The following GRHL2 variants were observed in gnomAD, a reference collection of about 807,000 sequenced individuals.
GRHL2 encodes the protein grainyhead-like protein 2 homolog.
In GRHL2, 21 loss-of-function variants were observed where a neutral mutation model predicts 83.8. The observed-to-expected ratio is 0.25, with a 90% CI of 0.18 to 0.36. The LOEUF (loss-of-function observed/expected upper bound fraction) is 0.36. Ranked by LOEUF, GRHL2 falls within the 10% of genes least tolerant of loss-of-function variation. The pLI is 1.00. For synonymous variants in GRHL2, 280 were observed against 278.9 expected (o/e 1.00, Z -0.04); for missense variants, 623 against 781.8 (o/e 0.80, Z 2.42).
intron 2 of GRHL2, among the ~76,000 whole-genome samples, chr8:101,547,327 G>T (rs574877687): frequency 6.6e-6 from 1 of 152,136 alleles, no homozygotes; most frequent in South Asian, 2.1e-4. Flanking sequence ...TATAGACTTT[G>T]TATGCCTCTT....
chr8:101,651,600 C>T (rs972650117), intron 14 of GRHL2, among the ~76,000 whole-genome samples: 2 of 152,138 alleles, frequency 1.3e-5, no homozygotes, highest in Admixed American at 6.5e-5. Context: ...TCAATGTCAC[C>T]TTCGATCCCA....
At chr8:101,571,310 C>G (rs1294785808) in intron 5 of GRHL2, among the ~76,000 whole-genome samples, 1 of 151,982 alleles carries the variant, frequency 6.6e-6, no homozygotes, top group Non-Finnish European at 1.5e-5. Flanking sequence ...AAGAACATTC[C>G]AGGTAAAAGA....
intron 7 of GRHL2, among the ~76,000 whole-genome samples, chr8:101,591,789 A>G (rs937444494): frequency 2.6e-5 from 4 of 152,148 alleles, no homozygotes; most frequent in Non-Finnish European, 5.9e-5. Flanking sequence ...GCTTGGCATG[A>G]GCTTGTAAGT....
chr8:101,530,054 ATGT>A (rs1401856200), intron 1 of GRHL2, among the ~76,000 whole-genome samples: 1 of 152,152 alleles, frequency 6.6e-6, no homozygotes, highest in Non-Finnish European at 1.5e-5. Flanking sequence ...AAGCCAACTA[ATGT>A]TGTAGTTAGT....
At chr8:101,624,270 C>T (rs948761148) in intron 9 of GRHL2, among the ~76,000 whole-genome samples, 1 of 151,620 alleles carries the variant, frequency 6.6e-6, no homozygotes, top group Non-Finnish European at 1.5e-5. Context: ...CACAGTAGGA[C>T]AGTACATAGT....
chr8:101,652,613 G>GTGTGTGTGGT (rs569391544), intron 14 of GRHL2, among the ~76,000 whole-genome samples: 1 of 123,780 alleles, frequency 8.1e-6, no homozygotes, highest in Admixed American at 8.2e-5. Context: ...GTGTGTGTGT[G>GTGTGTGTGGT]GTGTGTGTGT....
Position 101,610,121 on chromosome 8 carries a change from T to C in GRHL2, c.1099-9418T>C, listed in dbSNP as rs1005159743. 6.0e-5 allele frequency among the ~76,000 whole-genome samples: 9 copies of C among 150,808 alleles called. 1 individual carries two copies. Among genetic ancestry groups the C allele is most frequent in the African/African-American group, 2.2e-4 (9 of 40,244 alleles). ...CAGAGCAGAGCAGGAGAAACTGTTG[T>C]AGTTTGAAGAGCAGTGAAGGTTTCT... On this transcript the variant is annotated intron_variant, in intron 8 of 15. Coordinates refer to ENST00000646743, the MANE Select transcript of GRHL2 (RefSeq NM_024915.4).
chr8:101,617,716 G>C (rs575938582), intron 8 of GRHL2, among the ~76,000 whole-genome samples: 1 of 152,230 alleles, frequency 6.6e-6, no homozygotes, highest in East Asian at 1.9e-4. Context: ...TGTTGCCCAG[G>C]CTGATCTCAA....
At chr8:101,674,876 C>T in the GRHL2 span, among the ~76,000 whole-genome samples, 5 of 152,200 alleles carry the variant, frequency 3.3e-5, no homozygotes, top group East Asian at 3.9e-4. Context: ...AAGTGGGCTT[C>T]ATCCCTGGGA....
intron 13 of GRHL2, among the ~76,000 whole-genome samples, chr8:101,649,133 C>T (rs541154447): frequency 5.8e-4 from 89 of 152,304 alleles, no homozygotes; most frequent in African/African-American, 2.1e-3. Flanking sequence ...ATGCGATGTA[C>T]CCCTCAGGAG....
At chr8:101,675,783 G>A in the GRHL2 span, among the ~76,000 whole-genome samples, 4 of 152,082 alleles carry the variant, frequency 2.6e-5, no homozygotes, top group African/African-American at 4.8e-5. Context: ...CAAAGCCGGA[G>A]GCATCACGCT....
intron 2 of GRHL2, among the ~76,000 whole-genome samples, chr8:101,552,238 GC>G (rs961948938): frequency 6.6e-6 from 1 of 152,184 alleles, no homozygotes. Flanking sequence ...GCTCAGTATG[GC>G]CCGCCCCGTG....
At chr8:101,562,165 T>C in intron 4 of GRHL2, 1 of 625,612 alleles carries the variant, frequency 1.6e-6, no homozygotes. Flanking sequence ...GATCTGTTCA[T>C]TATAAATTTA....
chr8:101,529,465 A>G, intron 1 of GRHL2: 1 of 161,314 alleles, frequency 6.2e-6, no homozygotes, highest in Middle Eastern at 1.2e-3. Context: ...GAGCCTTTTG[A>G]TGGCATCTTG....
At chr8:101,608,939 G>T (rs1010498311) in intron 8 of GRHL2, among the ~76,000 whole-genome samples, 9 of 150,236 alleles carry the variant, frequency 6.0e-5, no homozygotes, top group Non-Finnish European at 1.3e-4. Flanking sequence ...GAACAAGGGG[G>T]TGTCCAAAGG....
chr8:101,502,919 A>G (rs1455581252), intron 1 of GRHL2, among the ~76,000 whole-genome samples: 2 of 152,148 alleles, frequency 1.3e-5, no homozygotes, highest in Non-Finnish European at 2.9e-5. Context: ...ACTGTCAAAA[A>G]ATATTGCCAA....
chr8:101,547,712 GC>G (rs1416907287), intron 2 of GRHL2, among the ~76,000 whole-genome samples: 10 of 152,126 alleles, frequency 6.6e-5, no homozygotes, highest in Admixed American at 4.6e-4. Context: ...TTTACAAAAT[GC>G]CCTTTTTTGA....
chr8:101,681,112 C>T, the GRHL2 span, among the ~76,000 whole-genome samples: 2 of 148,392 alleles, frequency 1.3e-5, no homozygotes, highest in African/African-American at 5.1e-5. Flanking sequence ...CACAAAAAAC[C>T]CTTCAAAAAA....
intron 1 of GRHL2, among the ~76,000 whole-genome samples, chr8:101,495,191 C>G (rs1211502027): frequency 6.6e-6 from 1 of 152,214 alleles, no homozygotes; most frequent in Non-Finnish European, 1.5e-5. Flanking sequence ...GAGGCTTCAT[C>G]AGCCTCATGG....
Sources: allele counts gnomAD v4.1 joint callset (sites outside exome capture counted in the v4.1 genomes callset), GRCh38; gene constraint gnomAD v4.1.1; transcripts MANE v1.5; gene names NCBI Gene and HGNC (gene_info 2026-07-23, HGNC 2026-07-21).